Variants in MLXIP observed in about 807,000 individuals in gnomAD.
The protein encoded by MLXIP is MLX-interacting protein.
In MLXIP, 30 loss-of-function variants were observed where a neutral mutation model predicts 87.2. The ratio of observed to expected loss-of-function variants is 0.34; its 90% confidence interval spans 0.26 to 0.47. The LOEUF (loss-of-function observed/expected upper bound fraction) is 0.47. MLXIP is among the 20% of genes least tolerant of loss of function. MLXIP has a pLI of 1.00. For synonymous variants in MLXIP, 530 were observed against 514.0 expected, an observed-to-expected ratio of 1.03 and a Z score of -0.42; for missense variants, 1,002 against 1,240.1, an observed-to-expected ratio of 0.81 and a Z score of 2.88.
At chr12:122,140,826 G>A in intron 15 of MLXIP, 128 bp from the exon 16 acceptor site, 3 of 1,414,258 alleles carry the variant, frequency 2.1e-6, no homozygotes, top group Non-Finnish European at 3.0e-6. Context: ...CTTTTCCCCA[G>A]TGATCCATTC....
At chr12:122,115,309 T>C (rs28464252) in intron 1 of MLXIP, among the ~76,000 whole-genome samples, 76,434 of 151,574 alleles carry the variant, frequency 0.5, 19,769 homozygotes, top group Middle Eastern at 0.64. Flanking sequence ...CAGTAGTGGC[T>C]GGGCGCGGTG....
chr12:122,132,141 C>A (rs968056097), intron 7 of MLXIP, 151 bp from the exon 8 acceptor site: 22 of 587,750 alleles, frequency 3.7e-5, no homozygotes, highest in African/African-American at 5.6e-5. Flanking sequence ...CCAGGATGGT[C>A]TTGATCTCTT....
chr12:122,128,733 T>A (rs986626213), intron 3 of MLXIP: 1 of 175,090 alleles, frequency 5.7e-6, no homozygotes, highest in East Asian at 1.6e-4. Flanking sequence ...ACATTCCACC[T>A]GAAACTTCCT....
At chr12:122,113,677 A>ATTTTTT (rs1305197741) in intron 1 of MLXIP, among the ~76,000 whole-genome samples, 77 of 87,846 alleles carry the variant, frequency 8.8e-4, no homozygotes, top group South Asian at 2.2e-3. Flanking sequence ...AACTGCCTTC[A>ATTTTTT]TTTCTTTTTT....
In MLXIP at chr12:122,137,859, A is replaced by G. The variant is rs1282206224; in HGVS notation, c.2154+269A>G. Among the ~76,000 whole-genome samples the G allele has an allele frequency of 1.3e-5, 2 of 152,212 alleles. No individual in the cohort carries two copies. Among genetic ancestry groups the G allele is most frequent in the African/African-American group, 4.8e-5 (2 of 41,464 alleles). On this transcript the variant is annotated intron_variant, in intron 12 of 16. Coordinates refer to ENST00000319080, the MANE Select transcript of MLXIP (RefSeq NM_014938.6). The surrounding 1 kb of genome is among the most constrained non-coding windows in gnomAD (Gnocchi z 4.1). ...AGGTACTGCTCAGGCTGCCCGCATC[A>G]GTTGCAGGAGGGGTGTGGCCACCAC... is the stretch of plus-strand genomic sequence containing the variant.
rs537264246 is a variant in MLXIP, at chr12:122,126,104, C to T, written c.414-1152C>T. Among the ~76,000 whole-genome samples the T allele has an allele frequency of 5.9e-4, 90 of 152,282 alleles. No individual in the cohort carries two copies. In the South Asian group the frequency reaches 0.011, roughly 18 times the overall value. ...AAATAGTGCCTTGCCCATCTCAAGC[C>T]ATCTGAAAAAGAGAAACCCTATGCG... On this transcript the variant is annotated intron_variant, in intron 1 of 16. Transcript: ENST00000319080.
intron 1 of MLXIP, among the ~76,000 whole-genome samples, chr12:122,109,885 G>A (rs917604843): frequency 1.3e-5 from 2 of 152,142 alleles, no homozygotes; most frequent in Non-Finnish European, 2.9e-5. Context: ...AAAGTTGTTC[G>A]TATGCTTTTT....
rs1186881538 is a variant in MLXIP, at chr12:122,135,049, A to G, written c.1733-175A>G. ...TCCTGGCCATCTCTTTCCTGGGTCT[A>G]TAACATGTCTCCTTCAAGAAGTCAC... On this transcript the variant is annotated intron_variant, in intron 9 of 16. Coordinates refer to ENST00000319080, the MANE Select transcript of MLXIP (RefSeq NM_014938.6). The surrounding 1 kb of genome is among the most constrained non-coding windows in gnomAD (Gnocchi z 5.3). 1.3e-5 allele frequency: 9 copies of G among 709,946 alleles called. No homozygotes were observed. The highest frequency in any genetic ancestry group is 1.8e-5 in the African/African-American group (1 of 57,060). 44.0% of individuals were successfully genotyped at this position (709,946 alleles called of 1,614,324 possible).
chr12:122,083,698 G>A (rs957971041), intron 1 of MLXIP, among the ~76,000 whole-genome samples: 7 of 152,204 alleles, frequency 4.6e-5, no homozygotes, highest in African/African-American at 1.7e-4. Context: ...ACAGGCGTGA[G>A]CCACCGGGCC....
Position 122,133,591 on chromosome 12 carries a change from A to T in MLXIP, c.1336A>T (p.Ile446Phe). 1 of 1,338,344 alleles carries T rather than the reference A, an allele frequency of 7.5e-7. No individual in the cohort carries two copies. Among genetic ancestry groups the T allele is most frequent in the Non-Finnish European group, 9.9e-7 (1 of 1,014,476 alleles). The allele number at this position is 1,338,344 out of a possible 1,614,324, so 82.9% of individuals were successfully genotyped here. Reference protein sequence around the residue: ...LLSPSPAPPPISPVLPLVPPP... With the variant: ...LLSPSPAPPPFSPVLPLVPPP... ...GTCTCCCAGCCCCGCCCCACCGCCC[A>T]TCTCCCCCGTGTTACCATTAGTTCC... The change falls in exon 9 of 17, where the codon ATC (isoleucine) becomes TTC (phenylalanine). Residue 446 changes from isoleucine to phenylalanine, a missense_variant. Transcript: ENST00000319080. The surrounding 1 kb of genome is among the most constrained non-coding windows in gnomAD (Gnocchi z 4.9).
At chr12:122,110,928 T>C (rs1179042869) in intron 1 of MLXIP, among the ~76,000 whole-genome samples, 1 of 151,648 alleles carries the variant, frequency 6.6e-6, no homozygotes. Flanking sequence ...ATACAAAAAA[T>C]TAGCCGGGCG....
intron 1 of MLXIP, among the ~76,000 whole-genome samples, chr12:122,125,349 T>A (rs1291854213): frequency 6.6e-6 from 1 of 151,346 alleles, no homozygotes; most frequent in Admixed American, 6.6e-5. Context: ...AAAAAAATTA[T>A]TCCTTTCAGT....
rs557400357 is a variant in MLXIP, at chr12:122,114,443, C to T, written c.414-12813C>T. Among the ~76,000 whole-genome samples the T allele has an allele frequency of 1.2e-4, 18 of 152,298 alleles. No individual in the cohort carries two copies. In the South Asian group the frequency reaches 2.7e-3, roughly 23 times the overall value. On this transcript the variant is annotated intron_variant, in intron 1 of 16. Transcript: ENST00000319080. ...GGATTCAAATTAAAATCAGCCAAGACGCAAGTTTTTACTGGACTTGATCCA... is the reference window on the plus strand; with the variant it reads ...GGATTCAAATTAAAATCAGCCAAGATGCAAGTTTTTACTGGACTTGATCCA...
rs1953146133 is a variant in MLXIP, at chr12:122,138,914, C to T, written c.2484C>T (p.Thr828=). The change falls in exon 15 of 17, where the codon ACC becomes ACT. Residue 828 remains threonine, a synonymous_variant. Transcript: ENST00000319080. ...DMFDEYVKTR[T]LQNWKFWIFS... is the part of the protein sequence containing the mutation. Reference sequence around the variant, plus strand: ...TTGACGAATACGTGAAAACCCGGACCTTGCAGAATTGGAAGTTCTGGATTG... The same window carrying T: ...TTGACGAATACGTGAAAACCCGGACTTTGCAGAATTGGAAGTTCTGGATTG... 3 of 1,613,956 alleles carry T rather than the reference C, an allele frequency of 1.9e-6. No individual in the cohort carries two copies. Among genetic ancestry groups the T allele is most frequent in the Admixed American group, 3.3e-5 (2 of 60,018 alleles).
At chr12:122,090,606 T>G (rs1481289599) in intron 1 of MLXIP, among the ~76,000 whole-genome samples, 4 of 152,224 alleles carry the variant, frequency 2.6e-5, no homozygotes, top group African/African-American at 9.6e-5. Flanking sequence ...ACTTGAGTAT[T>G]CATTGTACAG....
intron 2 of MLXIP, among the ~76,000 whole-genome samples, 183 bp from the exon 3 acceptor site, chr12:122,127,700 T>C (rs929919478): frequency 1.3e-5 from 2 of 152,222 alleles, no homozygotes; most frequent in Non-Finnish European, 2.9e-5. Flanking sequence ...GCGTTCGTTA[T>C]TGACAGATTC....
chr12:122,086,938 C>T (rs1954159169), intron 1 of MLXIP, among the ~76,000 whole-genome samples: 1 of 152,184 alleles, frequency 6.6e-6, no homozygotes, highest in Admixed American at 6.5e-5. Context: ...CCGGCTGTCA[C>T]CCACCACCCT....
intron 1 of MLXIP, among the ~76,000 whole-genome samples, chr12:122,084,552 T>TTTTG (rs1363723317): frequency 6.6e-6 from 1 of 152,174 alleles, no homozygotes; most frequent in East Asian, 1.9e-4. Context: ...TGACCTTTTT[T>TTTTG]TTTGTTTGTT....
In MLXIP at chr12:122,129,640, C is replaced by T. The variant is rs1393154907; in HGVS notation, c.738+11C>T. On this transcript the variant is annotated intron_variant, in intron 5 of 16. Transcript: ENST00000319080. ...TCCAGCCTGGTCCAGGTGGGTGAGC[C>T]TGGGAGCTCTGAGGACCCCCACTTT... 2 of 1,593,858 alleles carry T rather than the reference C, an allele frequency of 1.3e-6. No homozygotes were observed. The highest frequency in any genetic ancestry group is 1.7e-4 in the Middle Eastern group (1 of 6,022).
Sources: allele counts gnomAD v4.1 joint callset (sites outside exome capture counted in the v4.1 genomes callset), GRCh38; gene constraint gnomAD v4.1.1; non-coding constraint Gnocchi (gnomAD v3.1); transcripts MANE v1.5; gene names NCBI Gene and HGNC (gene_info 2026-07-23, HGNC 2026-07-21).